Variants in JAML observed in about 807,000 individuals in gnomAD.
The protein encoded by JAML is junction adhesion molecule like.
Under a neutral mutation model 39.3 loss-of-function variants are expected in JAML, and 25 were observed. The observed-to-expected ratio is 0.64, with a 90% CI of 0.46 to 0.89. The LOEUF (loss-of-function observed/expected upper bound fraction) is 0.89, where lower values mean the gene tolerates loss of function less well. Ranked by LOEUF, JAML falls within the 40% of genes least tolerant of loss-of-function variation. JAML has a pLI of 0.00. For synonymous variants in JAML, 162 were observed against 179.2 expected, an observed-to-expected ratio of 0.90 and a Z score of 0.77; for missense variants, 440 against 486.9, an observed-to-expected ratio of 0.90 and a Z score of 0.91.
chr11:118,208,555 C>T (rs1224529384), intron 4 of JAML, among the ~76,000 whole-genome samples: 2 of 152,178 alleles, frequency 1.3e-5, no homozygotes, highest in Non-Finnish European at 2.9e-5. Context: ...AGGCAGGGTG[C>T]ACCAGAGGAG....
chr11:118,223,094 C>CAA lies in JAML; in HGVS notation c.-21+1845_-21+1846dup, dbSNP rs56175225. ...TAGGTGACAGAGTGAGACTCTGTCT[C>CAA]AAAAAAAAAAAAAAAAAAAAAGAGT... is the stretch of plus-strand genomic sequence containing the variant. On this transcript the variant is annotated intron_variant, in intron 1 of 9. Coordinates refer to ENST00000356289, the MANE Select transcript of JAML (RefSeq NM_001098526.2). Among the ~76,000 whole-genome samples, 654 of 92,806 alleles carry CAA rather than the reference C, an allele frequency of 7.0e-3. 17 individuals are homozygous for CAA. Among genetic ancestry groups the CAA allele is most frequent in the Middle Eastern group, 0.028 (5 of 180 alleles). 60.9% of individuals were successfully genotyped at this position (92,806 alleles called of 152,430 possible).
chr11:118,220,780 G>T (rs1949202082), intron 1 of JAML, among the ~76,000 whole-genome samples: 1 of 152,220 alleles, frequency 6.6e-6, no homozygotes, highest in African/African-American at 2.4e-5. Context: ...GCCACTGGAA[G>T]GCAAACTGCC....
chr11:118,208,771 A>G (rs1318388930), intron 4 of JAML, among the ~76,000 whole-genome samples: 1 of 152,250 alleles, frequency 6.6e-6, no homozygotes, highest in African/African-American at 2.4e-5. Flanking sequence ...TTTTATATCA[A>G]TAAGCAAAAC....
chr11:118,215,089 G>A (rs200754555), intron 1 of JAML, among the ~76,000 whole-genome samples: 1 of 152,104 alleles, frequency 6.6e-6, no homozygotes, highest in East Asian at 1.9e-4. Flanking sequence ...ATAAATGAAT[G>A]AATGAATAAG....
At chr11:118,204,006 A>C in intron 5 of JAML, 1 of 285,064 alleles carries the variant, frequency 3.5e-6, no homozygotes. Context: ...AGGAACCTGA[A>C]ACATGTCTAA....
At position 118,223,551 on chromosome 11, in the gene JAML, A is replaced by C. The variant is rs929211831; in HGVS notation, c.-21+1390T>G. ...TTTTGTTTACCTTTTAATAAACAAC[A>C]GAAAAAGGAGGAGAGAGGAAATAGA... On this transcript the variant is annotated intron_variant, in intron 1 of 9. Coordinates refer to ENST00000356289, the MANE Select transcript of JAML (RefSeq NM_001098526.2). 5.8e-4 allele frequency among the ~76,000 whole-genome samples: 88 copies of C among 152,210 alleles called. 1 individual carries two copies. Among genetic ancestry groups the C allele is most frequent in the Non-Finnish European group, 1.1e-3 (73 of 68,036 alleles).
chr11:118,199,594 A>T (rs1258258619), intron 7 of JAML, among the ~76,000 whole-genome samples: 1 of 152,156 alleles, frequency 6.6e-6, no homozygotes, highest in Non-Finnish European at 1.5e-5. Context: ...ACAGCCAGTG[A>T]AACACAAGTG....
intron 1 of JAML, among the ~76,000 whole-genome samples, chr11:118,221,956 G>T (rs1331850889): frequency 6.6e-6 from 1 of 152,154 alleles, no homozygotes; most frequent in Non-Finnish European, 1.5e-5. Context: ...CACATAGGAG[G>T]TTACCTTTAG....
chr11:118,213,407 T>A, intron 2 of JAML: 2 of 924,410 alleles, frequency 2.2e-6, no homozygotes, highest in East Asian at 1.2e-4. Context: ...GCTGTTTCCC[T>A]GAGAGAAGAC....
intron 1 of JAML, among the ~76,000 whole-genome samples, chr11:118,218,076 CA>C (rs1310011599): frequency 6.6e-6 from 1 of 152,192 alleles, no homozygotes; most frequent in Non-Finnish European, 1.5e-5. Context: ...CATCCCAGGA[CA>C]GGTCCCCAAG....
intron 7 of JAML, 35 bp from the exon 8 acceptor site, chr11:118,198,126 C>T (rs1591458042): frequency 6.4e-7 from 1 of 1,567,374 alleles, no homozygotes; most frequent in South Asian, 1.1e-5. Flanking sequence ...AATTAACCAG[C>T]GGGCATGGTT....
At chr11:118,213,120 C>T in intron 2 of JAML, 1 of 1,436,904 alleles carries the variant, frequency 7.0e-7, no homozygotes, top group Non-Finnish European at 9.1e-7. Flanking sequence ...CTGTGTTTAT[C>T]CTCTCCCTGC....
chr11:118,212,912 T>C (rs1300341349), intron 2 of JAML: 1 of 1,614,236 alleles, frequency 6.2e-7, no homozygotes, highest in East Asian at 2.2e-5. Context: ...CACCTCCACT[T>C]ACCATAACGA....
chr11:118,213,283 C>T (rs1949096763), intron 2 of JAML: 1 of 1,107,424 alleles, frequency 9.0e-7, no homozygotes, highest in African/African-American at 1.6e-5. Flanking sequence ...AAGATATGCT[C>T]TATGCAAAGA....
At chr11:118,217,569 G>A (rs1024984028) in intron 1 of JAML, among the ~76,000 whole-genome samples, 1 of 152,138 alleles carries the variant, frequency 6.6e-6, no homozygotes, top group Admixed American at 6.5e-5. Flanking sequence ...TGATCTTTGG[G>A]AAAATCACCG....
chr11:118,201,995 C>T (rs1042177527), intron 6 of JAML: 6 of 151,794 alleles, frequency 4.0e-5, no homozygotes, highest in Non-Finnish European at 7.4e-5. Flanking sequence ...GTGTGTGGAA[C>T]TGTGTCCAAC....
chr11:118,194,357 CA>C lies in JAML; in HGVS notation c.1152del (p.Gly386GlufsTer75). The C allele has an allele frequency of 6.2e-7, 1 of 1,614,112 alleles. No homozygotes were observed. The highest frequency in any genetic ancestry group is 8.5e-7 in the Non-Finnish European group (1 of 1,180,000). ...GCTTGCTGTGTTTTTGGCATTCCCCCACCTGACTTTTTTTCAAGTGAGTTGT... is the reference window on the plus strand; with the variant it reads ...GCTTGCTGTGTTTTTGGCATTCCCCCCCTGACTTTTTTTCAAGTGAGTTGT... ...DRNNSLEKKS[G>X]GGMPKTQQAF On this transcript the variant is annotated frameshift_variant, in exon 10 of 10. Transcript: ENST00000356289. LOFTEE classifies it low-confidence loss of function (END_TRUNC).
At chr11:118,198,227 A>C in intron 7 of JAML, 136 bp from the exon 8 acceptor site, 1 of 702,708 alleles carries the variant, frequency 1.4e-6, no homozygotes, top group East Asian at 2.6e-5. Context: ...TCCTACAGCC[A>C]GGGCTACCCG....
At position 118,203,701 on chromosome 11, in the gene JAML, G is replaced by A. The variant is rs766476999; in HGVS notation, c.535-36C>T. On this transcript the variant is annotated intron_variant, in intron 5 of 9. Transcript: ENST00000356289. ...AAGACAAAAAGTATGATATTGTGAG[G>A]ACTGGAGTGGAGCGGGGAGCAGAGA... 9.7e-6 allele frequency: 15 copies of A among 1,553,084 alleles called. No homozygotes were observed. In the East Asian group the frequency reaches 3.4e-4, roughly 35 times the overall value.
Sources: gnomAD v4.1 joint callset for allele counts (sites outside exome capture counted in the v4.1 genomes callset) on GRCh38, gnomAD v4.1.1 for gene constraint, MANE v1.5 for transcripts, NCBI Gene and HGNC (gene_info 2026-07-23, HGNC 2026-07-21) for gene names.